Variants in MALRD1 observed in about 807,000 individuals in gnomAD.
MALRD1 encodes the protein MAM and LDL-receptor class A domain-containing protein 1.
In MALRD1, 247 loss-of-function variants were observed where a neutral mutation model predicts 242.1. The observed-to-expected ratio is 1.02, with a 90% confidence interval of 0.92 to 1.13. The LOEUF (loss-of-function observed/expected upper bound fraction) is 1.13. Ranked by LOEUF, MALRD1 falls within the 50% of genes most tolerant of loss-of-function variation. MALRD1 has a pLI of 0.00. For synonymous variants in MALRD1, 995 were observed against 866.6 expected (o/e 1.15, Z -2.60); for missense variants, 2,989 against 2,533.1 (o/e 1.18, Z -3.86).
chr10:19,475,400 G>T lies in MALRD1; in HGVS notation c.5030-16117G>T, dbSNP rs907585634. Reference sequence around the variant, plus strand: ...ACTGCATTCCAGCCTGGGCGACAGAGTAAGACTCCGTCTCAAAAAATAATA... The same window carrying T: ...ACTGCATTCCAGCCTGGGCGACAGATTAAGACTCCGTCTCAAAAAATAATA... On this transcript the variant is annotated intron_variant, in intron 29 of 39. Transcript: ENST00000454679. 5.3e-5 allele frequency among the ~76,000 whole-genome samples: 8 copies of T among 152,280 alleles called. No individual in the cohort carries two copies. The East Asian group carries it at 1.5e-3, about 29-fold the overall frequency.
At chr10:19,405,956 G>T (rs1323860111) in intron 28 of MALRD1, among the ~76,000 whole-genome samples, 1 of 151,948 alleles carries the variant, frequency 6.6e-6, no homozygotes, top group African/African-American at 2.4e-5. Context: ...GTCACAGTGG[G>T]CTCCTAGATG....
chr10:19,240,700 G>A (rs1274032410), intron 18 of MALRD1, among the ~76,000 whole-genome samples: 1 of 152,004 alleles, frequency 6.6e-6, no homozygotes, highest in Non-Finnish European at 1.5e-5. Flanking sequence ...TTAGCTGTGG[G>A]TTTGTCACAT....
chr10:19,108,159 G>A (rs1409573537), intron 5 of MALRD1, among the ~76,000 whole-genome samples: 1 of 152,016 alleles, frequency 6.6e-6, no homozygotes, highest in Non-Finnish European at 1.5e-5. Context: ...TTTCCCATAG[G>A]TCACATAGGC....
At chr10:19,442,143 T>C (rs1204722951) in intron 28 of MALRD1, among the ~76,000 whole-genome samples, 1 of 152,186 alleles carries the variant, frequency 6.6e-6, no homozygotes, top group Admixed American at 6.5e-5. Flanking sequence ...TAGTCTGTTA[T>C]TGGTGTATAG....
chr10:19,146,328 A>C lies in MALRD1; in HGVS notation c.1542A>C (p.Thr514=). ...ACCACTTTCCTGCAGCTGATCACAC[A>C]GCAAACATAAATCATGGTAGGACAT... ...GEHHFPAADH[T]ANINHGSFIY... Residue 514 remains threonine (T), a synonymous_variant, in exon 11 of 40, where the codon ACA becomes ACC. Coordinates refer to ENST00000454679, the MANE Select transcript of MALRD1 (RefSeq NM_001142308.3). The C allele has an allele frequency of 5.7e-6, 7 of 1,231,606 alleles. No individual in the cohort carries two copies. The highest frequency in any genetic ancestry group is 7.1e-6 in the Non-Finnish European group (7 of 987,864). 76.3% of individuals were successfully genotyped at this position (1,231,606 alleles called of 1,614,324 possible).
chr10:19,566,436 G>T (rs1039659361), intron 32 of MALRD1, among the ~76,000 whole-genome samples: 1 of 151,460 alleles, frequency 6.6e-6, no homozygotes, highest in Non-Finnish European at 1.5e-5. Context: ...ACCACGCCAG[G>T]CCATATTTTA....
At chr10:19,592,320 A>G (rs1032198785) in intron 33 of MALRD1, among the ~76,000 whole-genome samples, 1 of 152,210 alleles carries the variant, frequency 6.6e-6, no homozygotes, top group Non-Finnish European at 1.5e-5. Flanking sequence ...AGCCGATACC[A>G]CGGGGAGCTC....
intron 18 of MALRD1, among the ~76,000 whole-genome samples, chr10:19,238,308 T>C (rs1218398907): frequency 2.4e-5 from 2 of 83,264 alleles, no homozygotes; most frequent in Non-Finnish European, 4.1e-5. Context: ...ATATATAATA[T>C]GTAATATACA....
chr10:19,217,537 T>G (rs1837372804), intron 18 of MALRD1, among the ~76,000 whole-genome samples: 2 of 112,684 alleles, frequency 1.8e-5, no homozygotes, highest in South Asian at 4.8e-4. Context: ...GCAGTCTTTT[T>G]TTTTTTTTTT....
chr10:19,247,565 C>T lies in MALRD1; in HGVS notation c.2992-10119C>T, dbSNP rs117735765. Among the ~76,000 whole-genome samples the T allele has an allele frequency of 1.2e-3, 179 of 151,716 alleles. 1 individual carries two copies. In the East Asian group the frequency reaches 0.027, roughly 23 times the overall value. On this transcript the variant is annotated intron_variant, in intron 18 of 39. Transcript: ENST00000454679. Reference sequence around the variant, plus strand: ...CACCCCCGAACTACATTATAATGTGCACATTATGTCACATTTAATGTTCAA... The same window carrying T: ...CACCCCCGAACTACATTATAATGTGTACATTATGTCACATTTAATGTTCAA...
intron 1 of MALRD1, among the ~76,000 whole-genome samples, chr10:19,058,024 A>C (rs977714219): frequency 1.3e-5 from 2 of 152,266 alleles, no homozygotes; most frequent in African/African-American, 4.8e-5. Flanking sequence ...GCTGATTTGT[A>C]TACAGTACTT....
intron 18 of MALRD1, among the ~76,000 whole-genome samples, chr10:19,217,603 G>T (rs1837376903): frequency 6.8e-6 from 1 of 147,530 alleles, no homozygotes; most frequent in Non-Finnish European, 1.5e-5. Flanking sequence ...TGCGATCTCA[G>T]CTCACTGCAA....
At chr10:19,561,123 A>G (rs1159621255) in intron 32 of MALRD1, among the ~76,000 whole-genome samples, 1 of 152,198 alleles carries the variant, frequency 6.6e-6, no homozygotes, top group Admixed American at 6.5e-5. Flanking sequence ...ATAATATCAA[A>G]CAGGATTTTT....
At chr10:19,200,935 A>G (rs975751598) in intron 14 of MALRD1, among the ~76,000 whole-genome samples, 3 of 152,038 alleles carry the variant, frequency 2.0e-5, no homozygotes, top group East Asian at 1.9e-4. Flanking sequence ...TTTTGTGTCA[A>G]TGGGCATCCT....
Position 19,273,869 on chromosome 10 carries a change from A to G in MALRD1, c.3080-6178A>G, listed in dbSNP as rs577744093. Among the ~76,000 whole-genome samples, 12 of 152,280 alleles carry G rather than the reference A, an allele frequency of 7.9e-5. 1 individual carries two copies. The South Asian group carries it at 2.5e-3, about 32-fold the overall frequency. On this transcript the variant is annotated intron_variant, in intron 19 of 39. Transcript: ENST00000454679. Reference sequence around the variant, plus strand: ...CAAAAAGATATGCCAGTGTCCAACAAGCATAGGAAAACATGCTCAACATGA... The same window carrying G: ...CAAAAAGATATGCCAGTGTCCAACAGGCATAGGAAAACATGCTCAACATGA...
chr10:19,189,064 G>A (rs893723884), intron 14 of MALRD1, among the ~76,000 whole-genome samples: 3 of 151,990 alleles, frequency 2.0e-5, no homozygotes, highest in Non-Finnish European at 4.4e-5. Context: ...GACAGAGAGA[G>A]GGAGAGACAA....
chr10:19,407,736 T>A (rs1022565744), intron 28 of MALRD1, among the ~76,000 whole-genome samples: 1 of 152,164 alleles, frequency 6.6e-6, no homozygotes, highest in Admixed American at 6.5e-5. Flanking sequence ...ATTAAAAATT[T>A]AGTATACTTT....
intron 5 of MALRD1, among the ~76,000 whole-genome samples, chr10:19,123,196 A>G (rs1043600525): frequency 2.0e-5 from 3 of 152,164 alleles, no homozygotes. Flanking sequence ...ACTCCTATGA[A>G]GGATTGGCTT....
chr10:19,365,678 A>G (rs1290594640), intron 26 of MALRD1, among the ~76,000 whole-genome samples: 1 of 77,782 alleles, frequency 1.3e-5, no homozygotes, highest in African/African-American at 4.9e-5. Context: ...AAAAAAAAAA[A>G]AAAAAAAAAA....
Sources: gnomAD v4.1 joint callset for allele counts (sites outside exome capture counted in the v4.1 genomes callset) on GRCh38, gnomAD v4.1.1 for gene constraint, MANE v1.5 for transcripts, NCBI Gene and HGNC (gene_info 2026-07-23, HGNC 2026-07-21) for gene names.